Variants in DLC1 observed in about 807,000 individuals in gnomAD.
The protein encoded by DLC1 is rho GTPase-activating protein 7.
DLC1 carries 54 observed loss-of-function variants against 140.3 expected under a neutral mutation model. That is an observed-to-expected ratio of 0.38 (90% CI 0.31 to 0.48). DLC1 has a LOEUF of 0.48. DLC1 is among the 20% of genes least tolerant of loss of function. DLC1 has a pLI of 0.96. For synonymous variants in DLC1, 986 were observed against 728.1 expected (o/e 1.35, Z -5.70); for missense variants, 2,536 against 1,907.0 (o/e 1.33, Z -6.14).
chr8:13,527,140 CTGT>C (rs1417614159), intron 1 of DLC1, among the ~76,000 whole-genome samples: 1 of 152,122 alleles, frequency 6.6e-6, no homozygotes. Flanking sequence ...GATTGAGTGA[CTGT>C]TGTTGTTGCT....
rs142865083 is a variant in DLC1 at position 13,088,668 on chromosome 8, C to G, written c.4111G>C (p.Val1371Leu). ...EGPPLRLWRS[V>L]IEVPAVPEEI... The stretch of plus-strand genomic sequence containing the variant: ...TCTGGCACAGCAGGGACTTCAATGA[C>G]TGACCTCCAAAGCCTCAGAGGGGGT... The change falls in exon 16 of 18, where the codon GTC becomes CTC. Residue 1371 changes from valine to leucine, a missense_variant. By Grantham distance (32) the Val-to-Leu change is conservative. Transcript: ENST00000276297. The G allele has an allele frequency of 2.5e-6, 4 of 1,614,140 alleles. No individual in the cohort carries two copies. The East Asian group carries it at 8.9e-5, about 36-fold the overall frequency.
chr8:13,468,810 G>GTTTTTTTT (rs1563373968), intron 2 of DLC1, among the ~76,000 whole-genome samples: 1 of 78,502 alleles, frequency 1.3e-5, no homozygotes, highest in Non-Finnish European at 2.5e-5. Flanking sequence ...TTTTATGTCT[G>GTTTTTTTT]CTTTTTTTTT....
intron 5 of DLC1, among the ~76,000 whole-genome samples, chr8:13,118,127 C>G (rs1246785467): frequency 6.6e-6 from 1 of 151,578 alleles, no homozygotes; most frequent in African/African-American, 2.4e-5. Context: ...CTCCCACCTC[C>G]GCCTCCCAAG....
At chr8:13,190,195 G>T (rs1826664356) in intron 5 of DLC1, among the ~76,000 whole-genome samples, 1 of 152,126 alleles carries the variant, frequency 6.6e-6, no homozygotes, top group African/African-American at 2.4e-5. Context: ...TTGACATCTG[G>T]TGTGTATTTT....
At chr8:13,557,057 C>T (rs544841474) in intron 1 of DLC1, among the ~76,000 whole-genome samples, 86 of 152,198 alleles carry the variant, frequency 5.7e-4, no homozygotes, top group Non-Finnish European at 9.6e-4. Flanking sequence ...GAGAAGTGAG[C>T]GAGGATAACT....
At chr8:13,419,687 G>T (rs886430015) in intron 2 of DLC1, among the ~76,000 whole-genome samples, 2 of 152,200 alleles carry the variant, frequency 1.3e-5, no homozygotes, top group Middle Eastern at 6.8e-3. Context: ...TTTTGGTTGT[G>T]TCTCTGCCCA....
At chr8:13,354,701 T>C (rs145084254) in intron 4 of DLC1, among the ~76,000 whole-genome samples, 8,536 of 151,668 alleles carry the variant, frequency 0.056, 344 homozygotes, top group South Asian at 0.099. Flanking sequence ...TCCCAGCACT[T>C]TGGGAGGCCG....
intron 1 of DLC1, among the ~76,000 whole-genome samples, chr8:13,590,703 G>C (rs1805488763): frequency 1.3e-5 from 2 of 151,880 alleles, no homozygotes; most frequent in Non-Finnish European, 2.9e-5. Context: ...GTTTATATTT[G>C]TTTTCTCTAT....
chr8:13,512,216 A>G (rs1212204993), intron 1 of DLC1, among the ~76,000 whole-genome samples: 1 of 151,942 alleles, frequency 6.6e-6, no homozygotes, highest in African/African-American at 2.4e-5. Context: ...ACATCAGGAA[A>G]CTCAATCTGG....
At chr8:13,406,181 G>GTTTTTTTTTT (rs77753653) in intron 2 of DLC1, among the ~76,000 whole-genome samples, 6,941 of 84,610 alleles carry the variant, frequency 0.082, 1,273 homozygotes, top group Non-Finnish European at 0.11. Context: ...TAATTTTTGT[G>GTTTTTTTTTT]TTTTTTTTTT....
chr8:13,126,026 A>C (rs1014620708), intron 5 of DLC1, among the ~76,000 whole-genome samples: 38 of 151,836 alleles, frequency 2.5e-4, no homozygotes, highest in Admixed American at 1.0e-3. Flanking sequence ...TTTGCAAAGT[A>C]CTCCTTTTAA....
chr8:13,290,442 A>C (rs943962253), intron 5 of DLC1, among the ~76,000 whole-genome samples: 1 of 152,234 alleles, frequency 6.6e-6, no homozygotes, highest in Non-Finnish European at 1.5e-5. Context: ...CAAACAGTGC[A>C]TTAAAGGATA....
At chr8:13,430,618 A>G (rs1326957594) in intron 2 of DLC1, among the ~76,000 whole-genome samples, 1 of 152,220 alleles carries the variant, frequency 6.6e-6, no homozygotes, top group African/African-American at 2.4e-5. Flanking sequence ...TCAACTTGAA[A>G]ACATAGTTTC....
chr8:13,596,012 T>A (rs1805668982), intron 1 of DLC1, among the ~76,000 whole-genome samples: 1 of 152,022 alleles, frequency 6.6e-6, no homozygotes, highest in African/African-American at 2.4e-5. Flanking sequence ...TATACATATA[T>A]CTTCTACACT....
At chr8:13,591,422 C>T (rs1805511857) in intron 1 of DLC1, among the ~76,000 whole-genome samples, 1 of 152,026 alleles carries the variant, frequency 6.6e-6, no homozygotes, top group South Asian at 2.1e-4. Flanking sequence ...TGGCATTTCC[C>T]CTGCTGGCAC....
upstream of DLC1, among the ~76,000 whole-genome samples, chr8:13,519,627 T>C (rs1802704308): frequency 6.6e-6 from 1 of 152,200 alleles, no homozygotes; most frequent in Non-Finnish European, 1.5e-5. Context: ...TTAAGTTTGG[T>C]CTTAAATTAT....
chr8:13,312,099 C>T (rs985875132), intron 4 of DLC1, among the ~76,000 whole-genome samples: 1 of 130,576 alleles, frequency 7.7e-6, no homozygotes, highest in Admixed American at 7.8e-5. Context: ...CGGTGGCTCA[C>T]GCCTGTAATC....
intron 5 of DLC1, among the ~76,000 whole-genome samples, chr8:13,179,145 T>C (rs1825906969): frequency 1.3e-5 from 2 of 152,072 alleles, no homozygotes; most frequent in Admixed American, 6.6e-5. Flanking sequence ...TTCATGAGTA[T>C]AACAGTGAGG....
At chr8:13,148,012 C>G (rs1423433465) in intron 5 of DLC1, among the ~76,000 whole-genome samples, 2 of 152,062 alleles carry the variant, frequency 1.3e-5, no homozygotes, top group African/African-American at 4.8e-5. Context: ...GCATTTATTA[C>G]TAACCTGAGA....
Sources: gnomAD v4.1 joint callset for allele counts (sites outside exome capture counted in the v4.1 genomes callset) on GRCh38, gnomAD v4.1.1 for gene constraint, MANE v1.5 for transcripts, NCBI Gene and HGNC (gene_info 2026-07-23, HGNC 2026-07-21) for gene names.